The following SH3BP4 variants were observed in gnomAD, a reference collection of about 807,000 sequenced individuals.
SH3BP4 encodes the protein SH3 domain binding protein 4, also known as SH3 domain-binding protein 4.
In SH3BP4, 33 loss-of-function variants were observed where a neutral mutation model predicts 65.5. The observed-to-expected ratio is 0.50, with a 90% confidence interval of 0.38 to 0.67. The LOEUF (loss-of-function observed/expected upper bound fraction) is 0.67, where lower values mean the gene tolerates loss of function less well. Among genes scored for constraint, SH3BP4 ranks in the 30% least tolerant of loss-of-function variants. SH3BP4 has a pLI of 0.00. For missense variants in SH3BP4, 1,134 were observed against 1,261.4 expected, an observed-to-expected ratio of 0.90 and a Z score of 1.53; for synonymous variants, 552 against 545.5, an observed-to-expected ratio of 1.01 and a Z score of -0.17.
intron 1 of SH3BP4, chr2:234,981,489 A>AGG (rs1486335515): frequency 6.6e-6 from 1 of 152,106 alleles, no homozygotes; most frequent in Admixed American, 6.6e-5. Flanking sequence ...AGTTTGTCTT[A>AGG]GGCCCCTGAA....
intron 1 of SH3BP4, among the ~76,000 whole-genome samples, chr2:234,980,543 C>T (rs774025645): frequency 6.6e-6 from 1 of 152,182 alleles, no homozygotes; most frequent in Non-Finnish European, 1.5e-5. Context: ...AGGTTGTTTA[C>T]AGCCTTTGCT....
chr2:235,050,777 C>T (rs537701123), intron 4 of SH3BP4, among the ~76,000 whole-genome samples: 5 of 152,162 alleles, frequency 3.3e-5, no homozygotes, highest in African/African-American at 9.6e-5. Flanking sequence ...ACTAGCAAGA[C>T]GACCCTGCTA....
intron 3 of SH3BP4, 44 bp from the exon 4 acceptor site, chr2:235,040,844 G>T (rs780756365): frequency 6.4e-7 from 1 of 1,557,822 alleles, no homozygotes. Flanking sequence ...CGGACACCCC[G>T]CCGGCCTTGC....
Position 235,046,653 on chromosome 2 carries a change from T to C in SH3BP4, c.2478+3406T>C, listed in dbSNP as rs565124601. The stretch of plus-strand genomic sequence containing the variant: ...TTCTCATTATTACTCTAACTGAACA[T>C]AGGTCCCATGAGAGGAAGGGCCCCG... On this transcript the variant is annotated intron_variant, in intron 4 of 5. Transcript: ENST00000392011. The surrounding 1 kb of genome is among the most constrained non-coding windows in gnomAD (Gnocchi z 4.2). Among the ~76,000 whole-genome samples, 5 of 152,224 alleles carry C rather than the reference T, an allele frequency of 3.3e-5. No homozygotes were observed. The South Asian group carries it at 1.0e-3, about 32-fold the overall frequency.
chr2:234,980,735 T>C (rs1052893994), intron 1 of SH3BP4, among the ~76,000 whole-genome samples: 2 of 152,102 alleles, frequency 1.3e-5, no homozygotes, highest in African/African-American at 4.8e-5. Context: ...CGCCTTTTTT[T>C]CACTTGGGGG....
rs1357048227 is a variant in SH3BP4 at position 234,967,695 on chromosome 2, G to C, written c.-207+15525G>C. 2.0e-5 allele frequency among the ~76,000 whole-genome samples: 3 copies of C among 152,170 alleles called. No individual in the cohort carries two copies. The highest frequency in any genetic ancestry group is 6.5e-5 in the Admixed American group (1 of 15,284). On this transcript the variant is annotated intron_variant, in intron 1 of 5. Coordinates refer to ENST00000392011, the MANE Select transcript of SH3BP4 (RefSeq NM_014521.3). This position sits in a 1 kb window ranked among gnomAD's most constrained non-coding sequence, Gnocchi z 4.6. ...GGTTCTTGGTGCTCACCTCTGCACA[G>C]ACAGGTGTCACTGAAGCCCCTCACC... is the stretch of plus-strand genomic sequence containing the variant.
intron 2 of SH3BP4, among the ~76,000 whole-genome samples, chr2:235,019,670 A>G (rs1035582047): frequency 6.6e-6 from 1 of 151,850 alleles, no homozygotes; most frequent in Admixed American, 6.6e-5. Flanking sequence ...TCCTGACCTC[A>G]GGTGATCTGC....
Position 235,041,950 on chromosome 2 carries a change from A to C in SH3BP4, c.1181A>C (p.Glu394Ala), listed in dbSNP as rs1346378295. The C allele has an allele frequency of 1.2e-5, 19 of 1,613,454 alleles. No homozygotes were observed. In the African/African-American group the frequency reaches 2.3e-4, roughly 19 times the overall value. ...GAGGTGAAAACCTCTATCATCTTGG[A>C]GATGAAAGTGTCAGCCGAGATAAAA... is the stretch of plus-strand genomic sequence containing the variant. ...NLEVKTSIIL[E>A]MKVSAEIKND... Residue 394 changes from glutamate (E) to alanine (A), a missense_variant, in exon 4 of 6, where the codon GAG (glutamate) becomes GCG (alanine). By Grantham distance (107) the Glu-to-Ala change is moderately radical (BLOSUM62 -1). Transcript: ENST00000392011. This position sits in a 1 kb window ranked among gnomAD's most constrained non-coding sequence, Gnocchi z 6.0.
At position 235,035,152 on chromosome 2, in the gene SH3BP4, G is replaced by A. The variant is rs1198285238; in HGVS notation, c.118+32G>A. 2.0e-6 allele frequency: 3 copies of A among 1,513,300 alleles called. No homozygotes were observed. Among genetic ancestry groups the A allele is most frequent in the African/African-American group, 1.4e-5 (1 of 72,966 alleles). 93.7% of individuals were successfully genotyped at this position (1,513,300 alleles called of 1,614,324 possible). ...TTCTGGGGAACAGGACTGTGGCTAA[G>A]GGAGAACGTTGGGATTTTCAAGTTG... is the stretch of plus-strand genomic sequence containing the variant. On this transcript the variant is annotated intron_variant, in intron 3 of 5. Transcript: ENST00000392011. This position sits in a 1 kb window ranked among gnomAD's most constrained non-coding sequence, Gnocchi z 5.0.
chr2:235,012,222 G>A (rs1052726479), intron 2 of SH3BP4, among the ~76,000 whole-genome samples: 7 of 152,272 alleles, frequency 4.6e-5, no homozygotes, highest in South Asian at 2.1e-4. Context: ...GATGGGAAGC[G>A]CCCTGACCTC....
At chr2:235,036,099 G>A (rs1574838765) in intron 3 of SH3BP4, among the ~76,000 whole-genome samples, 1 of 152,216 alleles carries the variant, frequency 6.6e-6, no homozygotes, top group East Asian at 1.9e-4. Flanking sequence ...CTACCCTGAT[G>A]TACAAAAATT....
intron 1 of SH3BP4, among the ~76,000 whole-genome samples, chr2:234,955,224 C>T (rs570105516): frequency 1.3e-3 from 198 of 152,146 alleles, no homozygotes; most frequent in African/African-American, 4.4e-3. Flanking sequence ...TCTCAGTGCG[C>T]GGGTCAGCTT....
chr2:235,015,966 G>T (rs1164951263), intron 2 of SH3BP4, among the ~76,000 whole-genome samples: 1 of 152,062 alleles, frequency 6.6e-6, no homozygotes, highest in Non-Finnish European at 1.5e-5. Context: ...GGTCCCCTGT[G>T]CTCATCAGCA....
At chr2:235,021,301 A>T (rs1694840307) in intron 2 of SH3BP4, among the ~76,000 whole-genome samples, 1 of 152,158 alleles carries the variant, frequency 6.6e-6, no homozygotes, top group Admixed American at 6.5e-5. Context: ...GAGACATTTT[A>T]TTAAATTATT....
intron 5 of SH3BP4, among the ~76,000 whole-genome samples, chr2:235,053,220 G>T (rs1359514501): frequency 6.6e-6 from 1 of 152,152 alleles, no homozygotes; most frequent in Non-Finnish European, 1.5e-5. Flanking sequence ...CCTGGAAGAC[G>T]GTTCAGGCTT....
chr2:235,002,864 T>C (rs1694175232), intron 2 of SH3BP4, among the ~76,000 whole-genome samples: 1 of 152,140 alleles, frequency 6.6e-6, no homozygotes, highest in South Asian at 2.1e-4. Flanking sequence ...CCACACAAGA[T>C]TCTAGAATTG....
chr2:234,970,503 T>C (rs973933064), intron 1 of SH3BP4, among the ~76,000 whole-genome samples: 1 of 152,244 alleles, frequency 6.6e-6, no homozygotes, highest in African/African-American at 2.4e-5. Flanking sequence ...TCTTGAGTGG[T>C]ATCATTTCTG....
Position 235,031,763 on chromosome 2 carries a change from C to A in SH3BP4, c.-132-3108C>A, listed in dbSNP as rs185052441. Among the ~76,000 whole-genome samples the A allele has an allele frequency of 2.8e-3, 433 of 152,336 alleles. 3 individuals carry two copies. Among genetic ancestry groups the A allele is most frequent in the African/African-American group, 0.01 (416 of 41,584 alleles). ...CACCCTCTATGGGCAGCTCTCTGGGCCCCACTAGGTGGCCAGTCGTGCTCT... is the reference window on the plus strand; with the variant it reads ...CACCCTCTATGGGCAGCTCTCTGGGACCCACTAGGTGGCCAGTCGTGCTCT... On this transcript the variant is annotated intron_variant, in intron 2 of 5. Coordinates refer to ENST00000392011, the MANE Select transcript of SH3BP4 (RefSeq NM_014521.3).
At chr2:234,970,986 C>G (rs777989538) in intron 1 of SH3BP4, among the ~76,000 whole-genome samples, 2 of 152,182 alleles carry the variant, frequency 1.3e-5, no homozygotes, top group African/African-American at 4.8e-5. Flanking sequence ...AAATAGGCTA[C>G]TCATTATGGC....
Sources: allele counts gnomAD v4.1 joint callset (sites outside exome capture counted in the v4.1 genomes callset), GRCh38; gene constraint gnomAD v4.1.1; non-coding constraint Gnocchi (gnomAD v3.1); transcripts MANE v1.5; gene names NCBI Gene and HGNC (gene_info 2026-07-23, HGNC 2026-07-21).